RALA: variants seen among roughly 807,000 people sequenced by gnomAD.
RALA encodes RAS like proto-oncogene A, also known as ras-related protein Ral-A.
In RALA, 5 loss-of-function variants were observed where a neutral mutation model predicts 24.0. The observed-to-expected ratio is 0.21, with a 90% CI of 0.11 to 0.44. The LOEUF (loss-of-function observed/expected upper bound fraction) is 0.44. Ranked by LOEUF, RALA falls within the 20% of genes least tolerant of loss-of-function variation. RALA has a pLI of 0.99. For synonymous variants in RALA, 77 were observed against 83.8 expected (o/e 0.92, Z 0.44); for missense variants, 95 against 241.2 (o/e 0.39, Z 4.01).
In RALA at chr7:39,623,922, C is replaced by T. The variant is rs1302726750; in HGVS notation, c.-38+97C>T. 6.6e-6 allele frequency: 1 copy of T among 152,216 alleles called. No homozygotes were observed. The highest frequency in any genetic ancestry group is 6.5e-5 in the Admixed American group (1 of 15,278). 9.4% of individuals were successfully genotyped at this position (152,216 alleles called of 1,614,324 possible). ...GCGGCGGCGGGCCGAGGCCCTGACG[C>T]GGGTTCGGGCTGCCGAGATTGCACA... is the stretch of plus-strand genomic sequence containing the variant. On this transcript the variant is annotated intron_variant, in intron 1 of 4. Transcript: ENST00000005257. The surrounding 1 kb of genome is among the most constrained non-coding windows in gnomAD (Gnocchi z 4.9).
intron 1 of RALA, among the ~76,000 whole-genome samples, chr7:39,678,257 G>T (rs1273399946): frequency 6.6e-6 from 1 of 151,934 alleles, no homozygotes; most frequent in African/African-American, 2.4e-5. Flanking sequence ...GAATAAATGT[G>T]TGTTGTTTTA....
At chr7:39,638,081 A>T (rs922597610) in intron 1 of RALA, among the ~76,000 whole-genome samples, 15 of 152,084 alleles carry the variant, frequency 9.9e-5, no homozygotes, top group East Asian at 1.9e-4. Flanking sequence ...CTCTTTTTTT[A>T]AAATTTTATT....
chr7:39,679,068 G>A (rs1415943883), intron 1 of RALA, among the ~76,000 whole-genome samples: 2 of 110,550 alleles, frequency 1.8e-5, no homozygotes, highest in Non-Finnish European at 3.6e-5. Context: ...ATGTTGTTCT[G>A]TATCTTTTTT....
chr7:39,656,368 A>T (rs1021225398), intron 1 of RALA, among the ~76,000 whole-genome samples: 1 of 152,232 alleles, frequency 6.6e-6, no homozygotes, highest in Non-Finnish European at 1.5e-5. Flanking sequence ...TAAGAGCATT[A>T]GCATTTTATT....
intron 2 of RALA, among the ~76,000 whole-genome samples, chr7:39,688,521 T>A (rs2116076905): frequency 6.6e-6 from 1 of 152,264 alleles, no homozygotes. Flanking sequence ...AGACTAATCC[T>A]TAAATCAGTC....
rs185744045 is a variant in RALA, at chr7:39,656,991, G to A, written c.-37-29640G>A. Among the ~76,000 whole-genome samples the A allele has an allele frequency of 2.3e-3, 345 of 152,108 alleles. 1 individual carries two copies. Among genetic ancestry groups the A allele is most frequent in the Admixed American group, 7.1e-3 (109 of 15,280 alleles). ...TTTTGTTTTGTTTTGTTTTTGAGACGGAGTCTTGCTCGGTCACCCAGGCTG... is the reference window on the plus strand; with the variant it reads ...TTTTGTTTTGTTTTGTTTTTGAGACAGAGTCTTGCTCGGTCACCCAGGCTG... On this transcript the variant is annotated intron_variant, in intron 1 of 4. Transcript: ENST00000005257.
intron 3 of RALA, among the ~76,000 whole-genome samples, chr7:39,695,287 C>T (rs1043118720): frequency 3.3e-5 from 5 of 152,130 alleles, no homozygotes; most frequent in Non-Finnish European, 5.9e-5. Flanking sequence ...CTATGCACAT[C>T]CTCCCATGTA....
intron 1 of RALA, among the ~76,000 whole-genome samples, chr7:39,666,964 G>A (rs1583730270): frequency 1.3e-5 from 2 of 152,002 alleles, no homozygotes; most frequent in Admixed American, 1.3e-4. Flanking sequence ...AAACATTTTT[G>A]GGGAAAAAAA....
chr7:39,654,588 C>T (rs928097711), intron 1 of RALA, among the ~76,000 whole-genome samples: 2 of 152,118 alleles, frequency 1.3e-5, no homozygotes, highest in African/African-American at 4.8e-5. Flanking sequence ...TTGCATTTGA[C>T]ATTGTATCTA....
intron 1 of RALA, among the ~76,000 whole-genome samples, chr7:39,665,730 C>T (rs1792276762): frequency 1.3e-5 from 2 of 151,826 alleles, no homozygotes; most frequent in Non-Finnish European, 1.5e-5. Context: ...CTGTGCCACC[C>T]GTGAGAATTA....
At chr7:39,638,155 A>G (rs1036807841) in intron 1 of RALA, among the ~76,000 whole-genome samples, 3 of 152,048 alleles carry the variant, frequency 2.0e-5, no homozygotes, top group Non-Finnish European at 2.9e-5. Context: ...CTGGAGTGCA[A>G]TGGTGTGATC....
At chr7:39,684,621 G>C (rs187094001) in intron 1 of RALA, among the ~76,000 whole-genome samples, 1 of 151,716 alleles carries the variant, frequency 6.6e-6, no homozygotes, top group African/African-American at 2.4e-5. Flanking sequence ...CCTAAAAGCA[G>C]GGGTGTCCAA....
chr7:39,640,007 A>G lies in RALA; in HGVS notation c.-38+16182A>G, dbSNP rs1003562889. Among the ~76,000 whole-genome samples the G allele has an allele frequency of 4.1e-5, 6 of 145,152 alleles. No homozygotes were observed. In the South Asian group the frequency reaches 8.3e-4, roughly 20 times the overall value. ...CTTTTTTGACGTTAGTGTTTTTTCT[A>G]TATTATAACCATTCTAGTGTGTATG... On this transcript the variant is annotated intron_variant, in intron 1 of 4. Coordinates refer to ENST00000005257, the MANE Select transcript of RALA (RefSeq NM_005402.4).
rs192798862 is a variant in RALA at position 39,705,991 on chromosome 7, G to A, written c.499-132G>A. On this transcript the variant is annotated intron_variant, in intron 4 of 4. Transcript: ENST00000005257. The stretch of plus-strand genomic sequence containing the variant: ...ATCAGGCTTTAGTTTTATGCTTTCC[G>A]CTCTGTACTCCCAAACAAGAGCTCT... The A allele has an allele frequency of 9.4e-5, 71 of 758,974 alleles. 1 individual carries two copies. In the East Asian group the frequency reaches 1.5e-3, roughly 16 times the overall value. 47.0% of individuals were successfully genotyped at this position (758,974 alleles called of 1,614,324 possible).
chr7:39,653,012 G>T (rs1034421792), intron 1 of RALA, among the ~76,000 whole-genome samples: 19 of 147,268 alleles, frequency 1.3e-4, no homozygotes, highest in African/African-American at 4.5e-4. Flanking sequence ...TAGCCAGGCT[G>T]GTCTCAAACT....
chr7:39,690,677 T>A, intron 3 of RALA, 87 bp downstream of exon 3: 1 of 1,035,178 alleles, frequency 9.7e-7, no homozygotes, highest in Non-Finnish European at 1.4e-6. Context: ...AGGTTCTAAC[T>A]TGTTAGTCTT....
At chr7:39,699,298 G>A (rs1167474477) in intron 4 of RALA, among the ~76,000 whole-genome samples, 9 of 149,800 alleles carry the variant, frequency 6.0e-5, no homozygotes, top group Non-Finnish European at 8.9e-5. Context: ...CCGCCACCGC[G>A]CCCGGCTAAT....
intron 1 of RALA, among the ~76,000 whole-genome samples, chr7:39,666,637 C>T (rs529528611): frequency 2.6e-5 from 4 of 152,330 alleles, no homozygotes; most frequent in African/African-American, 7.2e-5. Context: ...TGGGGTGCCA[C>T]ATATACAAGT....
At chr7:39,666,845 A>G (rs2116011703) in intron 1 of RALA, among the ~76,000 whole-genome samples, 1 of 152,336 alleles carries the variant, frequency 6.6e-6, no homozygotes, top group East Asian at 1.9e-4. Flanking sequence ...TTAGCTTTAC[A>G]TTCCTGGTTT....
Sources: allele counts gnomAD v4.1 joint callset (sites outside exome capture counted in the v4.1 genomes callset), GRCh38; gene constraint gnomAD v4.1.1; non-coding constraint Gnocchi (gnomAD v3.1); transcripts MANE v1.5; gene names NCBI Gene and HGNC (gene_info 2026-07-23, HGNC 2026-07-21).